PTPRZ1: variants seen among roughly 807,000 people sequenced by gnomAD.
PTPRZ1 encodes the protein protein tyrosine phosphatase receptor type Z1.
A neutral mutation model predicts 214.1 loss-of-function variants in PTPRZ1; 82 were observed. The ratio of observed to expected loss-of-function variants is 0.38; its 90% CI spans 0.32 to 0.46. The LOEUF (loss-of-function observed/expected upper bound fraction) is 0.46. Among genes scored for constraint, PTPRZ1 ranks in the 20% least tolerant of loss-of-function variants. The pLI is 1.00. For missense variants in PTPRZ1, 2,603 were observed against 2,748.7 expected (o/e 0.95, Z 1.19); for synonymous variants, 945 against 987.9 (o/e 0.96, Z 0.81).
Position 121,928,201 on chromosome 7 carries a change from A to T in PTPRZ1, c.104A>T (p.Glu35Val). Residue 35 changes from glutamate (E) to valine (V), a missense_variant, in exon 2 of 30, where the codon GAG (glutamate) becomes GTG (valine). Transcript: ENST00000393386. Reference protein sequence around the residue: ...YYRQQRKLVEEIGWSYTGALN... With the variant: ...YYRQQRKLVEVIGWSYTGALN... ...AGACAACAGAGAAAACTTGTTGAAG[A>T]GATTGGCTGGTCCTATACAGGTAAA... 2.5e-6 allele frequency: 4 copies of T among 1,612,402 alleles called. No individual in the cohort carries two copies. Among genetic ancestry groups the T allele is most frequent in the Non-Finnish European group, 3.4e-6 (4 of 1,178,642 alleles).
At chr7:121,903,966 T>TCACACA (rs57176542) in intron 1 of PTPRZ1, among the ~76,000 whole-genome samples, 3,594 of 123,884 alleles carry the variant, frequency 0.029, 95 homozygotes, top group African/African-American at 0.074. Context: ...TCTTTAAATC[T>TCACACA]CACACACACA....
intron 1 of PTPRZ1, among the ~76,000 whole-genome samples, chr7:121,907,916 T>G (rs1795164430): frequency 6.6e-6 from 1 of 152,108 alleles, no homozygotes; most frequent in Admixed American, 6.6e-5. Context: ...GAAGGCTATA[T>G]GCTCTTAGCT....
At chr7:122,045,699 C>CAA (rs1006960105) in intron 23 of PTPRZ1, among the ~76,000 whole-genome samples, 11 of 151,784 alleles carry the variant, frequency 7.2e-5, no homozygotes, top group Admixed American at 6.6e-4. Flanking sequence ...CACACACACA[C>CAA]ACACACACAC....
At chr7:121,886,556 T>C (rs1794404235) in intron 1 of PTPRZ1, among the ~76,000 whole-genome samples, 1 of 152,072 alleles carries the variant, frequency 6.6e-6, no homozygotes, top group Non-Finnish European at 1.5e-5. Context: ...CAGCCTACTT[T>C]CTTGCCAAGA....
chr7:122,027,810 T>C (rs1799245517), intron 13 of PTPRZ1, among the ~76,000 whole-genome samples: 2 of 152,210 alleles, frequency 1.3e-5, no homozygotes, highest in East Asian at 1.9e-4. Flanking sequence ...TTGTAGATCA[T>C]AGTTGTCACT....
chr7:121,890,490 G>A (rs563217879), intron 1 of PTPRZ1, among the ~76,000 whole-genome samples: 1 of 152,120 alleles, frequency 6.6e-6, no homozygotes, highest in South Asian at 2.1e-4. Flanking sequence ...TTCCCAGCTG[G>A]TCTCCCTACT....
intron 2 of PTPRZ1, among the ~76,000 whole-genome samples, chr7:121,958,624 T>C (rs953545261): frequency 6.6e-6 from 1 of 152,192 alleles, no homozygotes; most frequent in Non-Finnish European, 1.5e-5. Flanking sequence ...GAACTTCCAT[T>C]GAAATTTCCA....
chr7:121,979,661 TA>T (rs905435688), intron 6 of PTPRZ1, among the ~76,000 whole-genome samples: 4 of 152,200 alleles, frequency 2.6e-5, no homozygotes, highest in African/African-American at 9.6e-5. Flanking sequence ...CGGATCTGAT[TA>T]GTTGGTTGGT....
At chr7:122,049,537 TTAACAAAAACAA>T (rs1224392452) in intron 23 of PTPRZ1, among the ~76,000 whole-genome samples, 1 of 151,956 alleles carries the variant, frequency 6.6e-6, no homozygotes, top group Non-Finnish European at 1.5e-5. Flanking sequence ...AACCCAATCA[TTAACAAAAACAA>T]TAACAAAACA....
intron 1 of PTPRZ1, among the ~76,000 whole-genome samples, chr7:121,880,433 T>C (rs2116158241): frequency 6.6e-6 from 1 of 152,290 alleles, no homozygotes; most frequent in South Asian, 2.1e-4. Flanking sequence ...ACCCTCTCTC[T>C]CTGCCTTCCC....
chr7:121,964,588 C>T (rs575040343), intron 2 of PTPRZ1, among the ~76,000 whole-genome samples: 6 of 152,002 alleles, frequency 3.9e-5, no homozygotes, highest in East Asian at 1.9e-4. Flanking sequence ...TATCAAACAC[C>T]GACTATGTGC....
intron 1 of PTPRZ1, among the ~76,000 whole-genome samples, chr7:121,924,127 C>T (rs1795682799): frequency 6.6e-6 from 1 of 151,954 alleles, no homozygotes. Context: ...AAAATAGTCA[C>T]ACCATAACCG....
Position 122,011,293 on chromosome 7 carries a change from C to T in PTPRZ1, c.2247C>T (p.Thr749=). 1 of 1,614,072 alleles carries T rather than the reference C, an allele frequency of 6.2e-7. No homozygotes were observed. The highest frequency in any genetic ancestry group is 8.5e-7 in the Non-Finnish European group (1 of 1,179,986). ...TCAACGTGGTATACTCGCAGACAACCCAACCGGTATACAATGGTGAGACAC... is the reference window on the plus strand; with the variant it reads ...TCAACGTGGTATACTCGCAGACAACTCAACCGGTATACAATGGTGAGACAC... The part of the protein sequence containing the change: ...STVNVVYSQT[T]QPVYNGETPL... Residue 749 remains threonine (T), a synonymous_variant, in exon 12 of 30, where the codon ACC becomes ACT. Coordinates refer to ENST00000393386, the MANE Select transcript of PTPRZ1 (RefSeq NM_002851.3).
At position 122,010,380 on chromosome 7, in the gene PTPRZ1, C is replaced by T; in HGVS notation, c.1334C>T (p.Pro445Leu). The change falls in exon 12 of 30, where the codon CCT becomes CTT. Residue 445 changes from proline (P) to leucine (L), a missense_variant. Physicochemically the swap from Pro to Leu is moderately conservative, Grantham distance 98. Transcript: ENST00000393386. ...KDIEEGAIVN[P>L]GRDSATNQIR... ...ATTGAAGAAGGCGCTATTGTGAATC[C>T]TGGTAGAGACAGTGCTACAAACCAA... 5.0e-6 allele frequency: 8 copies of T among 1,613,208 alleles called. No homozygotes were observed. The highest frequency in any genetic ancestry group is 6.8e-6 in the Non-Finnish European group (8 of 1,179,688).
At chr7:121,911,372 A>C (rs946914552) in intron 1 of PTPRZ1, among the ~76,000 whole-genome samples, 1 of 152,134 alleles carries the variant, frequency 6.6e-6, no homozygotes, top group Non-Finnish European at 1.5e-5. Flanking sequence ...ATATTTGAAA[A>C]TACTGATGAC....
At chr7:122,037,191 C>T (rs1359419863) in intron 18 of PTPRZ1, among the ~76,000 whole-genome samples, 2 of 151,558 alleles carry the variant, frequency 1.3e-5, no homozygotes, top group Non-Finnish European at 1.5e-5. Context: ...AGGAGAATGG[C>T]GTGAACCCGG....
At position 122,013,544 on chromosome 7, in the gene PTPRZ1, A is replaced by G; in HGVS notation, c.4498A>G (p.Arg1500Gly). The G allele has an allele frequency of 2.5e-6, 4 of 1,614,228 alleles. No individual in the cohort carries two copies. The highest frequency in any genetic ancestry group is 3.4e-6 in the Non-Finnish European group (4 of 1,180,030). The part of the protein sequence containing the change: ...VSSDSQTGMD[R>G]SPGKSPSANG... ...CTCAGACAGTCAAACTGGTATGGAC[A>G]GAAGTCCTGGTAAATCACCATCAGC... Residue 1500 changes from arginine to glycine, a missense_variant, in exon 12 of 30, where the codon AGA (arginine) becomes GGA (glycine). This residue lies in a region of PTPRZ1 where 1,913 missense variants were observed against 1,914.3 expected (regional missense o/e 1.00). Transcript: ENST00000393386.
intron 1 of PTPRZ1, among the ~76,000 whole-genome samples, chr7:121,900,699 C>T (rs1794930547): frequency 6.6e-6 from 1 of 152,198 alleles, no homozygotes; most frequent in South Asian, 2.1e-4. Flanking sequence ...TAAATCTTTG[C>T]AGTAGGAGAA....
chr7:122,014,629 G>A (rs919129434), intron 12 of PTPRZ1, among the ~76,000 whole-genome samples: 4 of 152,016 alleles, frequency 2.6e-5, no homozygotes, highest in Non-Finnish European at 4.4e-5. Context: ...TAGTAAAGAC[G>A]GGGTTTCACC....
Sources: gnomAD v4.1 joint callset for allele counts (sites outside exome capture counted in the v4.1 genomes callset) on GRCh38, gnomAD v4.1.1 for gene constraint, gnomAD v4.1.1 regional missense constraint, MANE v1.5 for transcripts, NCBI Gene and HGNC (gene_info 2026-07-23, HGNC 2026-07-21) for gene names.